TUSC3: variants seen among roughly 807,000 people sequenced by gnomAD.
TUSC3 encodes dolichyl-diphosphooligosaccharide--protein glycosyltransferase subunit TUSC3.
TUSC3 carries 45 observed loss-of-function variants against 44.8 expected under a neutral mutation model. That is an observed-to-expected ratio of 1.00 (90% CI 0.79 to 1.29). The LOEUF (loss-of-function observed/expected upper bound fraction) is 1.29. Ranked by LOEUF, TUSC3 falls within the 50% of genes most tolerant of loss-of-function variation. TUSC3 has a pLI of 0.00. For synonymous variants in TUSC3, 212 were observed against 152.9 expected (o/e 1.39, Z -2.85); for missense variants, 519 against 437.9 (o/e 1.19, Z -1.65).
At chr8:15,555,497 G>A (rs553012116) in intron 1 of TUSC3, among the ~76,000 whole-genome samples, 1 of 150,816 alleles carries the variant, frequency 6.6e-6, no homozygotes, top group African/African-American at 2.4e-5. Flanking sequence ...GTCTCCCTGT[G>A]TTGTACAGGA....
At chr8:15,625,413 G>T (rs1015516753) in intron 2 of TUSC3, among the ~76,000 whole-genome samples, 2 of 152,156 alleles carry the variant, frequency 1.3e-5, no homozygotes, top group East Asian at 3.8e-4. Flanking sequence ...TATAAAATTA[G>T]TGTTAACTCT....
intron 1 of TUSC3, among the ~76,000 whole-genome samples, chr8:15,606,491 A>G (rs1463063592): frequency 2.0e-5 from 3 of 152,000 alleles, no homozygotes; most frequent in Non-Finnish European, 2.9e-5. Context: ...CCATTGTTCT[A>G]TATTATTTCA....
intron 2 of TUSC3, among the ~76,000 whole-genome samples, chr8:15,534,992 A>G (rs145040375): frequency 0.01 from 1,589 of 152,286 alleles, 26 homozygotes; most frequent in African/African-American, 0.035. Flanking sequence ...TTGTCTATTA[A>G]GCTAGGTTAC....
At chr8:15,643,311 A>G (rs1273179018) in intron 2 of TUSC3, among the ~76,000 whole-genome samples, 1 of 152,162 alleles carries the variant, frequency 6.6e-6, no homozygotes, top group Non-Finnish European at 1.5e-5. Flanking sequence ...CAGTAAGAAA[A>G]CTTGTTAAAC....
chr8:15,455,128 T>G (rs897196290), intron 1 of TUSC3, among the ~76,000 whole-genome samples: 1 of 152,146 alleles, frequency 6.6e-6, no homozygotes, highest in Non-Finnish European at 1.5e-5. Context: ...AAAGTTTGCT[T>G]ATCCCTACCA....
At chr8:15,839,786 A>C in the TUSC3 span, among the ~76,000 whole-genome samples, 13 of 152,326 alleles carry the variant, frequency 8.5e-5, no homozygotes, top group African/African-American at 2.6e-4. Context: ...GTAGGAATGT[A>C]AACTAGTTCA....
chr8:15,434,002 C>CTTCATGAGTATATATATT, intron 1 of TUSC3, among the ~76,000 whole-genome samples: 1 of 152,082 alleles, frequency 6.6e-6, no homozygotes, highest in Non-Finnish European at 1.5e-5. Context: ...GTGTCATATA[C>CTTCATGAGTATATATATT]TAAGTATATA....
At chr8:15,506,048 G>A (rs1188643870) in intron 2 of TUSC3, among the ~76,000 whole-genome samples, 1 of 152,210 alleles carries the variant, frequency 6.6e-6, no homozygotes, top group Non-Finnish European at 1.5e-5. Flanking sequence ...GTTTCTAGAT[G>A]AGAGATTTTG....
chr8:15,846,858 T>TA, the TUSC3 span, among the ~76,000 whole-genome samples: 15,033 of 146,778 alleles, frequency 0.1, 1,292 homozygotes, highest in East Asian at 0.2. Context: ...TCCCAGAACT[T>TA]AAAGTATAAT....
the TUSC3 span, among the ~76,000 whole-genome samples, chr8:15,826,673 T>A: frequency 6.6e-6 from 1 of 152,130 alleles, no homozygotes; most frequent in East Asian, 1.9e-4. Flanking sequence ...ATTTCAAGCA[T>A]GCTGTCACAT....
At chr8:15,821,296 C>T in the TUSC3 span, among the ~76,000 whole-genome samples, 1 of 148,990 alleles carries the variant, frequency 6.7e-6, no homozygotes, top group Non-Finnish European at 1.5e-5. Flanking sequence ...TCTCTTTTTG[C>T]TAGTAGCATT....
the TUSC3 span, among the ~76,000 whole-genome samples, chr8:15,828,985 AG>A: frequency 3.3e-5 from 5 of 152,216 alleles, no homozygotes; most frequent in Non-Finnish European, 7.3e-5. Flanking sequence ...AATTGGAAAA[AG>A]TATCCAATTC....
chr8:15,612,876 A>T (rs1804821050), intron 1 of TUSC3, among the ~76,000 whole-genome samples: 1 of 151,684 alleles, frequency 6.6e-6, no homozygotes, highest in Non-Finnish European at 1.5e-5. Context: ...CCGATCACCC[A>T]CTCTTCACTG....
In TUSC3 at chr8:15,427,072, G is replaced by T. The variant is rs577536759; in HGVS notation, n.91+9767G>T. On this transcript the variant is annotated intron_variant and non_coding_transcript_variant, in intron 1 of 5. Coordinates refer to the TUSC3 transcript ENST00000503191. ...TTAAATTAGTTTTTGTTTGTTGTTTGGTGTTTGTTTTTTTTTTGCCATTGA... is the reference window on the plus strand; with the variant it reads ...TTAAATTAGTTTTTGTTTGTTGTTTTGTGTTTGTTTTTTTTTTGCCATTGA... 3.1e-4 allele frequency among the ~76,000 whole-genome samples: 41 copies of T among 132,952 alleles called. 1 individual carries two copies. Among genetic ancestry groups the T allele is most frequent in the African/African-American group, 1.0e-3 (38 of 36,814 alleles). 87.2% of individuals were successfully genotyped at this position (132,952 alleles called of 152,430 possible). A position where few individuals can be genotyped will look rare whatever the true frequency, so the allele number is the denominator to read the frequency against.
chr8:15,563,241 C>A (rs1802543242), intron 1 of TUSC3, among the ~76,000 whole-genome samples: 1 of 152,016 alleles, frequency 6.6e-6, no homozygotes. Flanking sequence ...GTGTGTCAGT[C>A]AGGGTTCAGT....
At chr8:15,616,438 C>T (rs549517550) in intron 1 of TUSC3, among the ~76,000 whole-genome samples, 128 of 151,964 alleles carry the variant, frequency 8.4e-4, no homozygotes, top group African/African-American at 3.0e-3. Flanking sequence ...ATTAGCCCGT[C>T]GTGGTGGCTC....
chr8:15,689,041 A>T (rs939974738), intron 6 of TUSC3: 1 of 306,740 alleles, frequency 3.3e-6, no homozygotes, highest in Non-Finnish European at 6.5e-6. Flanking sequence ...GTGCAGGGGG[A>T]TGACTCGTCA....
chr8:15,596,433 C>T (rs1262642484), intron 1 of TUSC3, among the ~76,000 whole-genome samples: 2 of 152,098 alleles, frequency 1.3e-5, no homozygotes, highest in African/African-American at 2.4e-5. Context: ...GGATGCAAAA[C>T]CTTTGCATAC....
At chr8:15,429,409 C>G (rs1489923310) in intron 1 of TUSC3, among the ~76,000 whole-genome samples, 1 of 149,822 alleles carries the variant, frequency 6.7e-6, no homozygotes, top group Non-Finnish European at 1.5e-5. Context: ...AATGTGATGC[C>G]TCCAGCTTTG....
Sources: allele counts gnomAD v4.1 joint callset (sites outside exome capture counted in the v4.1 genomes callset), GRCh38; gene constraint gnomAD v4.1.1; transcripts MANE v1.5; gene names NCBI Gene and HGNC (gene_info 2026-07-23, HGNC 2026-07-21).